The following ESRRG variants were observed in gnomAD, a reference collection of about 807,000 sequenced individuals.
ESRRG encodes estrogen related receptor gamma, also known as estrogen-related receptor gamma.
Under a neutral mutation model 44.0 loss-of-function variants are expected in ESRRG, and 13 were observed. The observed-to-expected ratio is 0.30, with a 90% CI of 0.19 to 0.47. The LOEUF is 0.47. Among genes scored for constraint, ESRRG ranks in the 20% least tolerant of loss-of-function variants. The pLI is 1.00. For synonymous variants in ESRRG, 215 were observed against 214.6 expected (o/e 1.00, Z -0.02); for missense variants, 395 against 580.6 (o/e 0.68, Z 3.29).
In ESRRG at chr1:216,877,013, T is replaced by TGTGTGA. The variant is rs766110487; in HGVS notation, c.-14+62568_-14+62569insTCACAC. Among the ~76,000 whole-genome samples the TGTGTGA allele has an allele frequency of 4.1e-5, 6 of 148,082 alleles. No individual in the cohort carries two copies. The East Asian group carries it at 1.2e-3, about 29-fold the overall frequency. ...GTGTGTGTGTGTGTGTGTGTGTGTG[T>TGTGTGA]GATCTATGAAGCATGGAAGAATAAA... On this transcript the variant is annotated intron_variant, in intron 2 of 7. Coordinates refer to the ESRRG transcript ENST00000359162.
intron 2 of ESRRG, among the ~76,000 whole-genome samples, chr1:216,808,529 CA>C (rs2094869272): frequency 6.6e-6 from 1 of 152,084 alleles, no homozygotes; most frequent in Non-Finnish European, 1.5e-5. Context: ...CAGGTTTAAG[CA>C]ATCCTCTCAC....
chr1:216,795,369 A>C (rs1246032755), intron 2 of ESRRG, among the ~76,000 whole-genome samples: 1 of 117,622 alleles, frequency 8.5e-6, no homozygotes, highest in Non-Finnish European at 1.6e-5. Context: ...TTTGAGCCAG[A>C]GTCTCACTTT....
At chr1:216,751,589 T>G (rs1165670811) in intron 2 of ESRRG, among the ~76,000 whole-genome samples, 3 of 151,936 alleles carry the variant, frequency 2.0e-5, no homozygotes, top group African/African-American at 7.2e-5. Flanking sequence ...TTCTTTTCCC[T>G]TTTTTTCCTC....
intron 2 of ESRRG, among the ~76,000 whole-genome samples, chr1:216,915,761 C>A (rs978222488): frequency 6.6e-6 from 1 of 152,124 alleles, no homozygotes; most frequent in African/African-American, 2.4e-5. Context: ...AGAAAAGAAC[C>A]CAGGAATGTC....
intron 2 of ESRRG, among the ~76,000 whole-genome samples, chr1:216,816,151 C>T (rs1025413060): frequency 1.1e-4 from 16 of 152,098 alleles, no homozygotes; most frequent in African/African-American, 3.1e-4. Context: ...GTTAACTCGC[C>T]GAAATGGGAG....
intron 5 of ESRRG, among the ~76,000 whole-genome samples, chr1:216,561,258 G>T (rs146894746): frequency 6.6e-6 from 1 of 151,900 alleles, no homozygotes; most frequent in African/African-American, 2.4e-5. Context: ...ACTCATTTTC[G>T]ATGCTAAACT....
At chr1:216,960,163 C>A (rs548756553) in intron 1 of ESRRG, among the ~76,000 whole-genome samples, 1 of 152,002 alleles carries the variant, frequency 6.6e-6, no homozygotes, top group African/African-American at 2.4e-5. Flanking sequence ...CCTTCCAATG[C>A]TTTTATAACA....
At chr1:216,837,035 A>G (rs2095575961) in intron 2 of ESRRG, among the ~76,000 whole-genome samples, 1 of 152,214 alleles carries the variant, frequency 6.6e-6, no homozygotes, top group Non-Finnish European at 1.5e-5. Context: ...CAACCAGCTT[A>G]TAATAAAAAT....
chr1:217,101,356 G>A (rs576819964), intron 1 of ESRRG, among the ~76,000 whole-genome samples: 13 of 152,284 alleles, frequency 8.5e-5, no homozygotes, highest in African/African-American at 2.6e-4. Context: ...CAATGTATAT[G>A]CAATGTTTAG....
intron 2 of ESRRG, among the ~76,000 whole-genome samples, chr1:216,904,780 T>C (rs1432875511): frequency 6.6e-6 from 1 of 152,204 alleles, no homozygotes; most frequent in Non-Finnish European, 1.5e-5. Flanking sequence ...CCCCAGCCAT[T>C]GCTTGGAAGT....
At chr1:216,529,523 G>C (rs952845302) in intron 5 of ESRRG, among the ~76,000 whole-genome samples, 11 of 152,066 alleles carry the variant, frequency 7.2e-5, no homozygotes, top group Non-Finnish European at 1.3e-4. Flanking sequence ...CATTTGTCGG[G>C]CTTCAAAAAG....
chr1:216,922,918 G>T (rs1020159007), intron 2 of ESRRG, among the ~76,000 whole-genome samples: 16 of 151,994 alleles, frequency 1.1e-4, no homozygotes, highest in African/African-American at 2.4e-5. Context: ...ACCCTTTCAC[G>T]CCTGCACACT....
intron 2 of ESRRG, among the ~76,000 whole-genome samples, chr1:216,829,024 A>G (rs1012768606): frequency 5.9e-5 from 9 of 152,228 alleles, no homozygotes; most frequent in Non-Finnish European, 1.2e-4. Context: ...ACTAGGATAC[A>G]AGGACATATG....
At chr1:216,529,704 T>C (rs2048719138) in intron 5 of ESRRG, among the ~76,000 whole-genome samples, 1 of 152,198 alleles carries the variant, frequency 6.6e-6, no homozygotes, top group South Asian at 2.1e-4. Context: ...AAGTATAAAA[T>C]GAATTTTTAT....
At chr1:216,955,902 T>A (rs540370920) in intron 1 of ESRRG, among the ~76,000 whole-genome samples, 38 of 152,300 alleles carry the variant, frequency 2.5e-4, no homozygotes, top group African/African-American at 8.4e-4. Context: ...TTATTTGTTT[T>A]GCTTTGTTTT....
At chr1:216,639,199 T>C (rs1302659291) in intron 3 of ESRRG, among the ~76,000 whole-genome samples, 1 of 151,974 alleles carries the variant, frequency 6.6e-6, no homozygotes, top group African/African-American at 2.4e-5. Flanking sequence ...AAATGGTAAT[T>C]CAGTAGGGTT....
At chr1:217,123,824 T>C (rs1394636063) in intron 1 of ESRRG, among the ~76,000 whole-genome samples, 1 of 152,118 alleles carries the variant, frequency 6.6e-6, no homozygotes, top group African/African-American at 2.4e-5. Flanking sequence ...ATCTGGATGA[T>C]GGGTTGATAG....
chr1:216,911,398 G>A (rs2060283286), intron 2 of ESRRG, among the ~76,000 whole-genome samples: 1 of 152,176 alleles, frequency 6.6e-6, no homozygotes, highest in African/African-American at 2.4e-5. Context: ...AGGCAAAATT[G>A]TGGGGACAAT....
At chr1:216,693,710 A>G (rs773169877) in intron 1 of ESRRG, among the ~76,000 whole-genome samples, 19 of 145,682 alleles carry the variant, frequency 1.3e-4, no homozygotes, top group Non-Finnish European at 2.2e-4. Context: ...TGCAGATACA[A>G]TCATACTTTT....
Sources: gnomAD v4.1 joint callset for allele counts (sites outside exome capture counted in the v4.1 genomes callset) on GRCh38, gnomAD v4.1.1 for gene constraint, MANE v1.5 for transcripts, NCBI Gene and HGNC (gene_info 2026-07-23, HGNC 2026-07-21) for gene names.